The following PGAP3 variants were observed in gnomAD, a reference collection of about 807,000 sequenced individuals.
The protein encoded by PGAP3 is post-GPI attachment to proteins phospholipase 3, also known as GPI-specific phospholipase A2-like PGAP3.
A neutral mutation model predicts 40.3 loss-of-function variants in PGAP3; 31 were observed. That is an observed-to-expected ratio of 0.77 (90% CI 0.58 to 1.04). PGAP3 has a LOEUF of 1.04. PGAP3 is among the 50% of genes least tolerant of loss of function. The pLI, the probability that PGAP3 is intolerant of heterozygous loss-of-function variation, is 0.00. For synonymous variants in PGAP3, 191 were observed against 184.5 expected, an observed-to-expected ratio of 1.04 and a Z score of -0.29; for missense variants, 413 against 423.0, an observed-to-expected ratio of 0.98 and a Z score of 0.21.
chr17:39,675,756 GGGA>G (rs1428805151), intron 3 of PGAP3, among the ~76,000 whole-genome samples: 4 of 152,282 alleles, frequency 2.6e-5, no homozygotes, highest in Non-Finnish European at 5.9e-5. Context: ...AGGAGAGAAT[GGGA>G]GGAGAAGGGG....
At position 39,684,607 on chromosome 17, in the gene PGAP3, G is replaced by A. The variant is rs35464006; in HGVS notation, c.422C>T (p.Ala141Val). 1 of 1,611,394 alleles carries A rather than the reference G, an allele frequency of 6.2e-7. No homozygotes were observed. The highest frequency in any genetic ancestry group is 8.5e-7 in the Non-Finnish European group (1 of 1,178,896). The change falls in exon 3 of 8, where the codon GCC becomes GTC. Residue 141 changes from alanine (A) to valine (V), a missense_variant. Coordinates refer to ENST00000300658, the MANE Select transcript of PGAP3 (RefSeq NM_033419.5). ...ASSPMYHTCV[A>V]FAWVSLNAWF... ...TGCTAGGTTACCTACCCAGGCGAAG[G>A]CCACACAGGTGTGGTACATGGGGGA...
intron 3 of PGAP3, among the ~76,000 whole-genome samples, chr17:39,677,851 C>T (rs1313437807): frequency 6.6e-6 from 1 of 152,212 alleles, no homozygotes; most frequent in Non-Finnish European, 1.5e-5. Flanking sequence ...AGGAATTCGA[C>T]CCGGCGCTAA....
At chr17:39,682,047 C>T (rs1199534074) in intron 3 of PGAP3, among the ~76,000 whole-genome samples, 1 of 150,812 alleles carries the variant, frequency 6.6e-6, no homozygotes, top group African/African-American at 2.4e-5. Context: ...GGTGAAACCC[C>T]ATCTCTACTA....
At chr17:39,685,819 C>T in intron 2 of PGAP3, 103 bp downstream of exon 2, 1 of 1,032,282 alleles carries the variant, frequency 9.7e-7, no homozygotes, top group Admixed American at 2.0e-5. Context: ...AACACACACG[C>T]ATTACCCCAT....
At chr17:39,675,375 T>A (rs1159059553) in intron 3 of PGAP3, among the ~76,000 whole-genome samples, 1 of 152,174 alleles carries the variant, frequency 6.6e-6, no homozygotes, top group East Asian at 1.9e-4. Context: ...AGCACAAAAG[T>A]TATCTAGCGA....
In PGAP3 at chr17:39,672,529, T is replaced by C; in HGVS notation, c.*274A>G. The C allele has an allele frequency of 5.6e-6, 3 of 533,788 alleles. No individual in the cohort carries two copies. Among genetic ancestry groups the C allele is most frequent in the Non-Finnish European group, 1.0e-5 (3 of 296,254 alleles). The allele number at this position is 533,788 out of a possible 1,614,324, so 33.1% of individuals were successfully genotyped here. On this transcript the variant is annotated 3_prime_UTR_variant, in exon 8 of 8. Transcript: ENST00000300658. ...CAGGCAGCTGTCCTCCCGGTAGAGC[T>C]AAGAGCACACTCAGTTCCACCCCAG...
Position 39,674,634 on chromosome 17 carries a change from C to A in PGAP3, c.478G>T (p.Asp160Tyr). The change falls in exon 4 of 8, where the codon GAC (aspartate) becomes TAC (tyrosine). Residue 160 changes from aspartate (D) to tyrosine (Y), a missense_variant. Asp to Tyr is a radical substitution (Grantham distance 160, BLOSUM62 -3). Coordinates refer to ENST00000300658, the MANE Select transcript of PGAP3 (RefSeq NM_033419.5). Reference protein sequence around the residue: ...WFWSTVFHTRDTDLTEKMDYF... With the variant: ...WFWSTVFHTRYTDLTEKMDYF... ...ATGCTCACCTCTGTGAGGTCAGTGT[C>A]CCTGGTGTGGAAAACTGTGGACCAG... is the stretch of plus-strand genomic sequence containing the variant. The A allele has an allele frequency of 6.4e-7, 1 of 1,551,276 alleles. No homozygotes were observed. The highest frequency in any genetic ancestry group is 8.7e-7 in the Non-Finnish European group (1 of 1,146,668).
Position 39,673,579 on chromosome 17 carries a change from T to G in PGAP3, c.629A>C (p.His210Pro), listed in dbSNP as rs759333907. ...GCGGATGAGGCTCAGGTAGGAGACG[T>G]GCACGGTCAGCATGAGCAGCAGGAG... is the stretch of plus-strand genomic sequence containing the variant. ...RALLLLMLTV[H>P]VSYLSLIRFD... Residue 210 changes from histidine to proline, a missense_variant, in exon 6 of 8, where the codon CAC becomes CCC. Transcript: ENST00000300658. 4 of 1,614,068 alleles carry G rather than the reference T, an allele frequency of 2.5e-6. No individual in the cohort carries two copies. Among genetic ancestry groups the G allele is most frequent in the Non-Finnish European group, 3.4e-6 (4 of 1,180,002 alleles).
At chr17:39,683,240 T>C (rs903501) in intron 3 of PGAP3, among the ~76,000 whole-genome samples, 95,669 of 151,918 alleles carry the variant, frequency 0.63, 30,675 homozygotes, top group South Asian at 0.73. Context: ...CTGCCTGGAA[T>C]GACCCTCCCT....
intron 3 of PGAP3, among the ~76,000 whole-genome samples, chr17:39,682,904 C>T (rs1241836613): frequency 2.0e-5 from 3 of 151,958 alleles, no homozygotes; most frequent in Non-Finnish European, 2.9e-5. Flanking sequence ...TAGTGAAACC[C>T]CATCTCTACT....
At position 39,685,981 on chromosome 17, in the gene PGAP3, A is replaced by T. The variant is rs745879619; in HGVS notation, c.220T>A (p.Trp74Arg). ...TGGAGGTAGAGCCCAACGGTGACCC[A>T]CATACACTCATACTTACAGTCGTCC... Reference protein sequence around the residue: ...CRDDCKYECMWVTVGLYLQEG... With the variant: ...CRDDCKYECMRVTVGLYLQEG... The change falls in exon 2 of 8, where the codon TGG becomes AGG. Residue 74 changes from tryptophan to arginine, a missense_variant. Coordinates refer to ENST00000300658, the MANE Select transcript of PGAP3 (RefSeq NM_033419.5). 1 of 1,613,456 alleles carries T rather than the reference A, an allele frequency of 6.2e-7. No individual in the cohort carries two copies. The highest frequency in any genetic ancestry group is 1.1e-5 in the South Asian group (1 of 91,074).
In PGAP3 at chr17:39,671,310, G is replaced by A. The variant is rs1275656015; in HGVS notation, c.*1493C>T. On this transcript the variant is annotated 3_prime_UTR_variant, in exon 8 of 8. Transcript: ENST00000300658. ...AAATCCAGTCTGCTTCAACCACGGA[G>A]ACTGCCTTTGGGATGGAAAGTTTCT... 1 of 152,404 alleles carries A rather than the reference G, an allele frequency of 6.6e-6. No homozygotes were observed. Among genetic ancestry groups the A allele is most frequent in the Non-Finnish European group, 1.5e-5 (1 of 68,072 alleles). The allele number at this position is 152,404 out of a possible 1,614,324, so 9.4% of individuals were successfully genotyped here. A position where few individuals can be genotyped will look rare whatever the true frequency, so the allele number is the denominator to read the frequency against.
At chr17:39,675,832 C>T (rs760316975) in intron 3 of PGAP3, among the ~76,000 whole-genome samples, 1 of 152,154 alleles carries the variant, frequency 6.6e-6, no homozygotes, top group Non-Finnish European at 1.5e-5. Context: ...CTCTGGAAGG[C>T]GCAAGGCTGC....
chr17:39,674,837 C>G (rs2934955), intron 3 of PGAP3, among the ~76,000 whole-genome samples, 158 bp from the exon 4 acceptor site: 13 of 152,170 alleles, frequency 8.5e-5, no homozygotes, highest in African/African-American at 2.9e-4. Context: ...ACCTATGTCC[C>G]TCTACCCCCA....
intron 3 of PGAP3, among the ~76,000 whole-genome samples, chr17:39,675,789 C>G (rs1370320264): frequency 6.6e-6 from 1 of 152,116 alleles, no homozygotes; most frequent in Non-Finnish European, 1.5e-5. Flanking sequence ...GGCAGAACTG[C>G]TGCACAGCCA....
chr17:39,674,543 T>C, intron 4 of PGAP3, 74 bp downstream of exon 4: 1 of 1,452,882 alleles, frequency 6.9e-7, no homozygotes, highest in Non-Finnish European at 9.4e-7. Flanking sequence ...CATGACCCTC[T>C]AGAGCCCCTC....
At chr17:39,677,874 G>A (rs117113987) in intron 3 of PGAP3, among the ~76,000 whole-genome samples, 13 of 152,322 alleles carry the variant, frequency 8.5e-5, no homozygotes, top group East Asian at 5.8e-4. Context: ...CCCAGTGCTC[G>A]GGGCTGTCAT....
chr17:39,685,931 G>A lies in PGAP3; in HGVS notation c.270C>T (p.Phe90=), dbSNP rs907183412. ...YLQEGHKVPQ[F]HGKWPFSRFL... ...TGACCCTCCAACTCACCTTGCCATG[G>A]AACTGAGGCACTTTGTGACCTTCCT... Residue 90 remains phenylalanine, a synonymous_variant, in exon 2 of 8, where the codon TTC becomes TTT. Coordinates refer to ENST00000300658, the MANE Select transcript of PGAP3 (RefSeq NM_033419.5). The A allele has an allele frequency of 1.7e-5, 27 of 1,612,798 alleles. No individual in the cohort carries two copies. Among genetic ancestry groups the A allele is most frequent in the Non-Finnish European group, 2.3e-5 (27 of 1,179,212 alleles).
At chr17:39,675,794 C>T (rs192823689) in intron 3 of PGAP3, among the ~76,000 whole-genome samples, 14 of 152,110 alleles carry the variant, frequency 9.2e-5, no homozygotes, top group Admixed American at 3.9e-4. Flanking sequence ...AACTGCTGCA[C>T]AGCCAGTCAG....
Sources: gnomAD v4.1 joint callset for allele counts (sites outside exome capture counted in the v4.1 genomes callset) on GRCh38, gnomAD v4.1.1 for gene constraint, MANE v1.5 for transcripts, NCBI Gene and HGNC (gene_info 2026-07-23, HGNC 2026-07-21) for gene names.